GEMIN5: variants seen among roughly 807,000 people sequenced by gnomAD.
The protein encoded by GEMIN5 is gem-associated protein 5.
A neutral mutation model predicts 176.9 loss-of-function variants in GEMIN5; 124 were observed. The ratio of observed to expected loss-of-function variants is 0.70; its 90% CI spans 0.61 to 0.81. The LOEUF (loss-of-function observed/expected upper bound fraction) is 0.81. Ranked by LOEUF, GEMIN5 falls within the 40% of genes least tolerant of loss-of-function variation. The probability of loss-of-function intolerance (pLI) is 0.00; values close to 1 mark genes in which losing one functional copy is unlikely to be tolerated. For synonymous variants in GEMIN5, 673 were observed against 665.2 expected, an observed-to-expected ratio of 1.01 and a Z score of -0.18; for missense variants, 1,843 against 1,814.6, an observed-to-expected ratio of 1.02 and a Z score of -0.28.
At chr5:154,930,693 G>C (rs1208388135) in intron 5 of GEMIN5, among the ~76,000 whole-genome samples, 4 of 152,136 alleles carry the variant, frequency 2.6e-5, no homozygotes, top group Non-Finnish European at 4.4e-5. Context: ...CCTGGGGGAG[G>C]GGGAAATGGA....
At chr5:154,903,021 C>T in intron 19 of GEMIN5, 59 bp downstream of exon 19, 1 of 1,118,650 alleles carries the variant, frequency 8.9e-7, no homozygotes, top group Non-Finnish European at 1.3e-6. Flanking sequence ...AAGAGGTGCA[C>T]ACAAAATGTT....
At chr5:154,921,758 C>T (rs1441680959) in intron 9 of GEMIN5, among the ~76,000 whole-genome samples, 2 of 152,164 alleles carry the variant, frequency 1.3e-5, no homozygotes, top group African/African-American at 4.8e-5. Flanking sequence ...ACTTTACGGT[C>T]ATGTAAAAGA....
At chr5:154,889,285 G>A (rs757583460) in intron 27 of GEMIN5, 36 bp downstream of exon 27, 1 of 1,079,570 alleles carries the variant, frequency 9.3e-7, no homozygotes, top group Non-Finnish European at 1.4e-6. Context: ...AACACAAAAA[G>A]TGATGCTTTA....
In GEMIN5 at chr5:154,902,766, T is replaced by C. The variant is rs560842935; in HGVS notation, c.2729-90A>G. On this transcript the variant is annotated intron_variant, in intron 19 of 27. Transcript: ENST00000285873. ...AAGAAAGGCAAGATAGAAGAGAAAGTGAGCTCCTAAAATATGCAGTCATTC... is the reference window on the plus strand; with the variant it reads ...AAGAAAGGCAAGATAGAAGAGAAAGCGAGCTCCTAAAATATGCAGTCATTC... 9.0e-6 allele frequency: 12 copies of C among 1,334,004 alleles called. No homozygotes were observed. In the South Asian group the frequency reaches 1.6e-4, roughly 17 times the overall value. The allele number at this position is 1,334,004 out of a possible 1,614,324, so 82.6% of individuals were successfully genotyped here. A position where few individuals can be genotyped will look rare whatever the true frequency, so the allele number is the denominator to read the frequency against.
In GEMIN5 at chr5:154,907,597, G is replaced by C; in HGVS notation, c.2389C>G (p.Pro797Ala). The C allele has an allele frequency of 6.2e-7, 1 of 1,613,056 alleles. No individual in the cohort carries two copies. Among genetic ancestry groups the C allele is most frequent in the Non-Finnish European group, 8.5e-7 (1 of 1,179,062 alleles). The part of the protein sequence containing the change: ...REPELPCGLA[P>A]AVSREPVICT... ...ACAGGATTCTGCCACATACCCGCTG[G>C]AGCAAGGCCACAGGGTAATTCCGGC... The change falls in exon 16 of 28, where the codon CCA (proline) becomes GCA (alanine). Residue 797 changes from proline (P) to alanine (A), a missense_variant. Coordinates refer to ENST00000285873, the MANE Select transcript of GEMIN5 (RefSeq NM_015465.5).
At chr5:154,929,639 C>A (rs762783863) in intron 5 of GEMIN5, among the ~76,000 whole-genome samples, 1 of 152,234 alleles carries the variant, frequency 6.6e-6, no homozygotes, top group African/African-American at 2.4e-5. Flanking sequence ...GGCCATTTTA[C>A]CAGACACCTC....
intron 2 of GEMIN5, among the ~76,000 whole-genome samples, 182 bp from the exon 3 acceptor site, chr5:154,936,204 A>G (rs1764266281): frequency 6.6e-6 from 1 of 151,942 alleles, no homozygotes; most frequent in Admixed American, 6.6e-5. Flanking sequence ...ATCACCAGGT[A>G]AGGAGATCGA....
In GEMIN5 at chr5:154,928,693, A is replaced by C. The variant is rs761413338; in HGVS notation, c.782-34T>G. On this transcript the variant is annotated intron_variant, in intron 5 of 27. Coordinates refer to ENST00000285873, the MANE Select transcript of GEMIN5 (RefSeq NM_015465.5). The stretch of plus-strand genomic sequence containing the variant: ...TAAAAAGAAGGCCAGTGGGCACTCA[A>C]GACAGTGAAACTACATGCATGAAGT... The C allele has an allele frequency of 3.7e-6, 6 of 1,609,014 alleles. No individual in the cohort carries two copies. The South Asian group carries it at 5.5e-5, about 15-fold the overall frequency.
Position 154,901,388 on chromosome 5 carries a change from G to A in GEMIN5, c.2965C>T (p.His989Tyr). ...VKAASHLLSI[H>Y]KVYEAVELLK... is the part of the protein sequence containing the mutation. ...AGCTCCACCGCTTCATACACTTTGT[G>A]GATGGAAAGTAGGTGAGAAGCAGCC... Residue 989 changes from histidine (H) to tyrosine (Y), a missense_variant, in exon 21 of 28, where the codon CAC (histidine) becomes TAC (tyrosine). His to Tyr is a moderately conservative substitution (Grantham distance 83, BLOSUM62 2). Coordinates refer to ENST00000285873, the MANE Select transcript of GEMIN5 (RefSeq NM_015465.5). 1 of 1,614,050 alleles carries A rather than the reference G, an allele frequency of 6.2e-7. No individual in the cohort carries two copies. The highest frequency in any genetic ancestry group is 8.5e-7 in the Non-Finnish European group (1 of 1,179,970).
chr5:154,931,954 G>A (rs775791077), intron 4 of GEMIN5, 145 bp downstream of exon 4: 48 of 657,800 alleles, frequency 7.3e-5, no homozygotes, highest in Non-Finnish European at 1.1e-4. Flanking sequence ...CGGAGGTTGC[G>A]GTGAGCCGAG....
rs1764260619 is a variant in GEMIN5, at chr5:154,935,996, A to C, written c.354T>G (p.Ser118=). ...HQHTISTLHW[S]PRVKDLIVSG... ...ATACTATTAAGTCCTTTACTCGAGG[A>C]GACCAATGTAATGTTGATATCGTAT... is the stretch of plus-strand genomic sequence containing the variant. Residue 118 remains serine (S), a synonymous_variant, in exon 3 of 28, where the codon TCT becomes TCG. Transcript: ENST00000285873. 1.2e-6 allele frequency: 2 copies of C among 1,609,624 alleles called. No homozygotes were observed. The highest frequency in any genetic ancestry group is 1.7e-4 in the Middle Eastern group (1 of 6,052).
intron 8 of GEMIN5, 131 bp downstream of exon 8, chr5:154,925,731 T>C (rs945615783): frequency 3.3e-6 from 2 of 608,690 alleles, no homozygotes; most frequent in Non-Finnish European, 5.9e-6. Flanking sequence ...TCTGCTTTCC[T>C]AGTTTCAAAC....
chr5:154,925,317 T>C (rs963654325), intron 8 of GEMIN5, among the ~76,000 whole-genome samples: 1 of 152,088 alleles, frequency 6.6e-6, no homozygotes, highest in Admixed American at 6.6e-5. Flanking sequence ...GAGGGTAGGG[T>C]AGGAAAAAAA....
intron 1 of GEMIN5, 136 bp from the exon 2 acceptor site, chr5:154,937,321 C>A (rs566718097): frequency 8.6e-6 from 6 of 696,482 alleles, no homozygotes; most frequent in Non-Finnish European, 1.4e-5. Flanking sequence ...CACCGACGGA[C>A]TTACACTCAG....
chr5:154,924,727 C>T (rs1377604190), intron 8 of GEMIN5, among the ~76,000 whole-genome samples, 173 bp from the exon 9 acceptor site: 6 of 152,112 alleles, frequency 3.9e-5, no homozygotes, highest in Non-Finnish European at 7.3e-5. Context: ...CAGTGGCTCA[C>T]GCCTGTAATC....
Position 154,907,595 on chromosome 5 carries a change from T to C in GEMIN5, c.2391A>G (p.Pro797=), listed in dbSNP as rs1763594362. 6.2e-7 allele frequency: 1 copy of C among 1,612,828 alleles called. No homozygotes were observed. Among genetic ancestry groups the C allele is most frequent in the Non-Finnish European group, 8.5e-7 (1 of 1,178,880 alleles). The change falls in exon 16 of 28, where the codon CCA becomes CCG. Residue 797 remains proline, a synonymous_variant. Coordinates refer to ENST00000285873, the MANE Select transcript of GEMIN5 (RefSeq NM_015465.5). ...ACACAGGATTCTGCCACATACCCGC[T>C]GGAGCAAGGCCACAGGGTAATTCCG... ...REPELPCGLA[P]AVSREPVICT... is the part of the protein sequence containing the mutation.
At position 154,927,385 on chromosome 5, in the gene GEMIN5, A is replaced by G; in HGVS notation, c.1080T>C (p.Asp360=). 1 of 1,562,664 alleles carries G rather than the reference A, an allele frequency of 6.4e-7. No individual in the cohort carries two copies. Among genetic ancestry groups the G allele is most frequent in the Non-Finnish European group, 8.8e-7 (1 of 1,134,002 alleles). ...GCTGAGTGAAAATAAGCATTCTTAC[A>G]TCTCTATCCATTGATGTAGAAAGTA... ...QLLLSTSMDR[D]VKCWDIATLE... is the part of the protein sequence containing the mutation. Residue 360 remains aspartate, a splice_region_variant and synonymous_variant, in exon 7 of 28, where the codon GAT becomes GAC. Transcript: ENST00000285873.
chr5:154,911,460 C>T lies in GEMIN5; in HGVS notation c.2167+267G>A, dbSNP rs148521926. Among the ~76,000 whole-genome samples the T allele has an allele frequency of 5.3e-3, 806 of 152,230 alleles. 1 individual carries two copies. The highest frequency in any genetic ancestry group is 0.024 in the Middle Eastern group (7 of 294). On this transcript the variant is annotated intron_variant, in intron 15 of 27. Coordinates refer to ENST00000285873, the MANE Select transcript of GEMIN5 (RefSeq NM_015465.5). The stretch of plus-strand genomic sequence containing the variant: ...CCCAGGAGGTGGAGGCTGCAGCGAG[C>T]CAAGATCACGCCACTACATTCCAGT...
chr5:154,914,773 T>C (rs1272038918), intron 13 of GEMIN5, among the ~76,000 whole-genome samples: 1 of 152,230 alleles, frequency 6.6e-6, no homozygotes, highest in Non-Finnish European at 1.5e-5. Context: ...TGACAAATAA[T>C]AGTTGTGTAT....
Sources: gnomAD v4.1 joint callset for allele counts (sites outside exome capture counted in the v4.1 genomes callset) on GRCh38, gnomAD v4.1.1 for gene constraint, MANE v1.5 for transcripts, NCBI Gene and HGNC (gene_info 2026-07-23, HGNC 2026-07-21) for gene names.